The following CGA variants were observed in gnomAD, a reference collection of about 807,000 sequenced individuals.
CGA encodes the protein glycoprotein hormones alpha chain.
In CGA, 4 loss-of-function variants were observed where a neutral mutation model predicts 12.0. The observed-to-expected ratio is 0.33, with a 90% CI of 0.16 to 0.76. The LOEUF (loss-of-function observed/expected upper bound fraction) is 0.76. Ranked by LOEUF, CGA falls within the 30% of genes least tolerant of loss-of-function variation. The pLI is 0.60. For missense variants in CGA, 102 were observed against 143.5 expected, an observed-to-expected ratio of 0.71 and a Z score of 1.48; for synonymous variants, 60 against 56.6, an observed-to-expected ratio of 1.06 and a Z score of -0.27.
At chr6:87,090,501 A>G (rs1769410580) in intron 1 of CGA, among the ~76,000 whole-genome samples, 1 of 152,182 alleles carries the variant, frequency 6.6e-6, no homozygotes, top group African/African-American at 2.4e-5. Context: ...TTAAAAAATA[A>G]ATATATGTTA....
At position 87,088,171 on chromosome 6, in the gene CGA, G is replaced by C; in HGVS notation, c.30C>G (p.Ile10Met). Residue 10 changes from isoleucine (I) to methionine (M), a missense_variant, in exon 2 of 4, where the codon ATC becomes ATG. By Grantham distance (10) the Ile-to-Met change is conservative. Coordinates refer to ENST00000627148, the MANE Select transcript of CGA (RefSeq NM_000735.4). ...GAAACACCGACAATGTGACCAGAAAGATAGCTGCATATTTTCTGTAGTAAT... is the reference window on the plus strand; with the variant it reads ...GAAACACCGACAATGTGACCAGAAACATAGCTGCATATTTTCTGTAGTAAT... MDYYRKYAA[I>M]FLVTLSVFLH... is the part of the protein sequence containing the mutation. The C allele has an allele frequency of 6.4e-7, 1 of 1,560,340 alleles. No individual in the cohort carries two copies. Among genetic ancestry groups the C allele is most frequent in the Non-Finnish European group, 8.7e-7 (1 of 1,153,602 alleles).
intron 1 of CGA, among the ~76,000 whole-genome samples, chr6:87,091,577 G>A (rs1385881640): frequency 6.6e-6 from 1 of 152,090 alleles, no homozygotes; most frequent in Non-Finnish European, 1.5e-5. Flanking sequence ...CAAAGGCCCT[G>A]TACACACAAC....
At chr6:87,085,872 TGATAGATA>T in intron 3 of CGA, 39 bp from the exon 4 acceptor site, 1 of 1,343,088 alleles carries the variant, frequency 7.4e-7, no homozygotes, top group South Asian at 1.2e-5. Flanking sequence ...ATAGATTAGA[TGATAGATA>T]GATAGATAGA....
At chr6:87,092,853 TC>T in intron 1 of CGA, among the ~76,000 whole-genome samples, 1 of 150,282 alleles carries the variant, frequency 6.7e-6, no homozygotes, top group Non-Finnish European at 1.5e-5. Flanking sequence ...GCTCAGGTGA[TC>T]CTCCCATCTT....
In CGA at chr6:87,088,222, G is replaced by T; in HGVS notation, c.-7-15C>A. The T allele has an allele frequency of 9.8e-7, 1 of 1,016,828 alleles. No individual in the cohort carries two copies. The highest frequency in any genetic ancestry group is 1.3e-6 in the Non-Finnish European group (1 of 793,490). The allele number at this position is 1,016,828 out of a possible 1,614,324, so 63.0% of individuals were successfully genotyped here. On this transcript the variant is annotated splice_polypyrimidine_tract_variant and intron_variant, in intron 1 of 3. Transcript: ENST00000627148. ...CCATGGCGCTCCTGCAGACAGACAT[G>T]GCAAAAAAAAAAAAACAAAAAACAG...
At chr6:87,089,837 G>A (rs1254845705) in intron 1 of CGA, among the ~76,000 whole-genome samples, 1 of 152,032 alleles carries the variant, frequency 6.6e-6, no homozygotes, top group African/African-American at 2.4e-5. Flanking sequence ...CCACATATAA[G>A]TACTTAACAG....
intron 1 of CGA, among the ~76,000 whole-genome samples, chr6:87,092,086 T>G (rs987858895): frequency 1.3e-5 from 2 of 150,980 alleles, no homozygotes; most frequent in Non-Finnish European, 3.0e-5. Flanking sequence ...TTAAAAGGAT[T>G]TTTTTTTTTG....
chr6:87,094,258 C>T (rs1412582319), intron 1 of CGA, among the ~76,000 whole-genome samples: 1 of 152,118 alleles, frequency 6.6e-6, no homozygotes, highest in Non-Finnish European at 1.5e-5. Flanking sequence ...TTCTTCAACG[C>T]TAATAAGGAG....
chr6:87,088,237 A>C lies in CGA; in HGVS notation c.-7-30T>G, dbSNP rs1051916849. The C allele has an allele frequency of 1.5e-4, 59 of 398,882 alleles. 1 individual carries two copies. The Middle Eastern group carries it at 2.3e-3, about 16-fold the overall frequency. 24.7% of individuals were successfully genotyped at this position (398,882 alleles called of 1,614,324 possible). ...AGACAGACATGGCAAAAAAAAAAAA[A>C]CAAAAAACAGTTAATCTAAAATTGG... On this transcript the variant is annotated intron_variant, in intron 1 of 3. Transcript: ENST00000627148.
chr6:87,088,197 C>T lies in CGA; in HGVS notation c.4G>A (p.Asp2Asn). 1 of 1,521,366 alleles carries T rather than the reference C, an allele frequency of 6.6e-7. No homozygotes were observed. 94.2% of individuals were successfully genotyped at this position (1,521,366 alleles called of 1,614,324 possible). Reference protein sequence around the residue: MDYYRKYAAIFL... With the variant: MNYYRKYAAIFL... ...ATAGCTGCATATTTTCTGTAGTAAT[C>T]CATGGCGCTCCTGCAGACAGACATG... Residue 2 changes from aspartate (D) to asparagine (N), a missense_variant, in exon 2 of 4, where the codon GAT (aspartate) becomes AAT (asparagine). Asp to Asn is a conservative substitution (Grantham distance 23). Transcript: ENST00000627148.
At chr6:87,090,411 T>C (rs1274053442) in intron 1 of CGA, among the ~76,000 whole-genome samples, 1 of 152,170 alleles carries the variant, frequency 6.6e-6, no homozygotes, top group African/African-American at 2.4e-5. Flanking sequence ...CTATGTTCTG[T>C]TAGGCCAGAC....
At chr6:87,090,637 A>ATTTTTTTTTTTTT (rs147883019) in intron 1 of CGA, among the ~76,000 whole-genome samples, 9 of 124,842 alleles carry the variant, frequency 7.2e-5, no homozygotes, top group African/African-American at 9.1e-5. Context: ...CTCTTCAATA[A>ATTTTTTTTTTTTT]TTTTTTTTTT....
intron 1 of CGA, among the ~76,000 whole-genome samples, chr6:87,092,426 T>A (rs1769448121): frequency 1.3e-5 from 2 of 151,776 alleles, no homozygotes. Context: ...GGTGGGAGGA[T>A]CACTGGAGCC....
intron 3 of CGA, 126 bp downstream of exon 3, chr6:87,086,124 C>T: frequency 1.2e-6 from 1 of 823,712 alleles, no homozygotes; most frequent in Non-Finnish European, 2.0e-6. Flanking sequence ...GTATTCCCCA[C>T]CTGTACAAAT....
chr6:87,088,571 A>T (rs912070874), intron 1 of CGA, among the ~76,000 whole-genome samples: 3 of 152,112 alleles, frequency 2.0e-5, no homozygotes, highest in Admixed American at 1.3e-4. Context: ...CTTAAACTAG[A>T]TAATACCTAA....
At chr6:87,086,589 C>A (rs1171494792) in intron 2 of CGA, 155 bp from the exon 3 acceptor site, 1 of 633,826 alleles carries the variant, frequency 1.6e-6, no homozygotes, top group Non-Finnish European at 2.7e-6. Context: ...GCAGCCTGGG[C>A]AACATGGTGA....
At chr6:87,094,233 C>T (rs930862205) in intron 1 of CGA, among the ~76,000 whole-genome samples, 7 of 152,170 alleles carry the variant, frequency 4.6e-5, no homozygotes, top group South Asian at 2.1e-4. Context: ...GTTCTTCACA[C>T]GTGCCCATAG....
intron 1 of CGA, among the ~76,000 whole-genome samples, chr6:87,089,708 G>A (rs1479029321): frequency 6.6e-6 from 1 of 152,058 alleles, no homozygotes; most frequent in African/African-American, 2.4e-5. Flanking sequence ...TAATTTATCA[G>A]ACAGCAGAAC....
At chr6:87,087,478 C>T (rs2127754235) in intron 2 of CGA, among the ~76,000 whole-genome samples, 1 of 152,176 alleles carries the variant, frequency 6.6e-6, no homozygotes, top group Middle Eastern at 3.4e-3. Context: ...ATTGTTTTTC[C>T]CACAGTAACT....
Sources: gnomAD v4.1 joint callset for allele counts (sites outside exome capture counted in the v4.1 genomes callset) on GRCh38, gnomAD v4.1.1 for gene constraint, MANE v1.5 for transcripts, NCBI Gene and HGNC (gene_info 2026-07-23, HGNC 2026-07-21) for gene names.